KIF20B: variants seen among roughly 807,000 people sequenced by gnomAD.
KIF20B encodes kinesin family member 20B.
KIF20B carries 188 observed loss-of-function variants against 232.5 expected under a neutral mutation model. That is an observed-to-expected ratio of 0.81 (90% CI 0.72 to 0.91). The LOEUF is 0.91. KIF20B is among the 40% of genes least tolerant of loss of function. KIF20B has a pLI of 0.00. For synonymous variants in KIF20B, 712 were observed against 683.0 expected (o/e 1.04, Z -0.66); for missense variants, 2,154 against 2,055.9 (o/e 1.05, Z -0.92).
At chr10:89,768,451 T>C in intron 30 of KIF20B, 60 bp downstream of exon 30, 1 of 1,017,790 alleles carries the variant, frequency 9.8e-7, no homozygotes, top group South Asian at 1.4e-5. Flanking sequence ...TTGTGTTCAA[T>C]TATAACTCAT....
At chr10:89,714,929 G>GT (rs373004927) in intron 7 of KIF20B, 26 bp from the exon 8 acceptor site, 4 of 1,369,358 alleles carry the variant, frequency 2.9e-6, no homozygotes, top group Non-Finnish European at 3.0e-6. Flanking sequence ...TTTCGTGATT[G>GT]TTTTTTCTTT....
At chr10:89,712,169 A>T (rs894886283) in intron 6 of KIF20B, among the ~76,000 whole-genome samples, 1 of 152,084 alleles carries the variant, frequency 6.6e-6, no homozygotes, top group Non-Finnish European at 1.5e-5. Flanking sequence ...TGAATACATT[A>T]TTAATGTATT....
At chr10:89,769,584 C>A (rs915891833) in intron 31 of KIF20B, among the ~76,000 whole-genome samples, 6 of 151,558 alleles carry the variant, frequency 4.0e-5, no homozygotes, top group Non-Finnish European at 8.8e-5. Context: ...TTCATAAATA[C>A]CTATTGAGTT....
intron 24 of KIF20B, among the ~76,000 whole-genome samples, chr10:89,752,076 A>T (rs931709757): frequency 2.6e-5 from 4 of 152,060 alleles, no homozygotes; most frequent in African/African-American, 7.2e-5. Flanking sequence ...TTCTTTTTTT[A>T]AAATCATCTG....
chr10:89,764,013 A>G (rs1188813561), intron 29 of KIF20B, among the ~76,000 whole-genome samples: 2 of 150,914 alleles, frequency 1.3e-5, no homozygotes, highest in East Asian at 2.0e-4. Flanking sequence ...GTCATTTAGC[A>G]TTAGGTATAT....
chr10:89,732,030 C>G (rs931424004), intron 18 of KIF20B, among the ~76,000 whole-genome samples: 1 of 152,126 alleles, frequency 6.6e-6, no homozygotes, highest in Admixed American at 6.6e-5. Context: ...CATTTGATTA[C>G]TCTATAGACT....
intron 13 of KIF20B, among the ~76,000 whole-genome samples, chr10:89,720,524 A>AT (rs1332610657): frequency 6.6e-6 from 1 of 152,170 alleles, no homozygotes; most frequent in Non-Finnish European, 1.5e-5. Flanking sequence ...TCACTAAGTG[A>AT]TTTTATGTAT....
At position 89,737,996 on chromosome 10, in the gene KIF20B, C is replaced by A. The variant is rs776912439; in HGVS notation, c.3155C>A (p.Ser1052Tyr). 6.2e-7 allele frequency: 1 copy of A among 1,613,148 alleles called. No homozygotes were observed. Among genetic ancestry groups the A allele is most frequent in the South Asian group, 1.1e-5 (1 of 90,968 alleles). Residue 1052 changes from serine (S) to tyrosine (Y), a missense_variant, in exon 20 of 33, where the codon TCT becomes TAT. Transcript: ENST00000371728. ...YRIQEPNREN[S>Y]FHSSIEAIWE... ...ATTCAAGAACCCAATAGGGAAAATT[C>A]TTTCCACTCTAGTATTGAAGCTATT...
intron 29 of KIF20B, among the ~76,000 whole-genome samples, chr10:89,764,885 A>G (rs1255307402): frequency 4.6e-5 from 7 of 151,930 alleles, no homozygotes; most frequent in Non-Finnish European, 1.0e-4. Flanking sequence ...TGCTGTGCAG[A>G]AGCTCTTTAG....
chr10:89,737,117 T>C (rs917857426), intron 19 of KIF20B, among the ~76,000 whole-genome samples: 2 of 152,116 alleles, frequency 1.3e-5, no homozygotes, highest in Non-Finnish European at 2.9e-5. Context: ...CTGGTAATGC[T>C]ACTCAGAGGT....
rs1206391748 is a variant in KIF20B at position 89,724,089 on chromosome 10, G to A, written c.1848G>A (p.Arg616=). Residue 616 remains arginine (R), a synonymous_variant, in exon 14 of 33, where the codon CGG becomes CGA. Coordinates refer to ENST00000371728, the MANE Select transcript of KIF20B (RefSeq NM_001284259.2). The part of the protein sequence containing the change: ...TQEFTQYWAQ[R]EADFKETLLQ... ...AGTTTACTCAGTATTGGGCTCAACG[G>A]GAAGCTGACTTTAAGTAAGTTATTT... 1.3e-6 allele frequency: 2 copies of A among 1,491,702 alleles called. No homozygotes were observed. Among genetic ancestry groups the A allele is most frequent in the Non-Finnish European group, 8.9e-7 (1 of 1,126,114 alleles). 92.4% of individuals were successfully genotyped at this position (1,491,702 alleles called of 1,614,324 possible). A position where few individuals can be genotyped will look rare whatever the true frequency, so the allele number is the denominator to read the frequency against.
intron 12 of KIF20B, 91 bp from the exon 13 acceptor site, chr10:89,719,328 G>T (rs980520): frequency 0.27 from 252,795 of 923,986 alleles, 37,169 homozygotes; most frequent in African/African-American, 0.47. Context: ...ACACTTGAGT[G>T]TTCATTTGAC....
chr10:89,708,411 A>G (rs989112068), intron 2 of KIF20B, among the ~76,000 whole-genome samples: 1 of 152,182 alleles, frequency 6.6e-6, no homozygotes, highest in East Asian at 1.9e-4. Flanking sequence ...GGGTTTCTCC[A>G]TGTTGGTCAG....
intron 30 of KIF20B, 144 bp from the exon 31 acceptor site, chr10:89,768,594 C>A (rs1842408840): frequency 2.4e-6 from 2 of 828,646 alleles, no homozygotes; most frequent in Non-Finnish European, 3.7e-6. Flanking sequence ...ATTGTCTGAC[C>A]CTTTTATCCC....
chr10:89,770,464 C>T (rs1842440854), intron 31 of KIF20B, among the ~76,000 whole-genome samples: 1 of 151,884 alleles, frequency 6.6e-6, no homozygotes, highest in Non-Finnish European at 1.5e-5. Flanking sequence ...GGCTTACTAC[C>T]ACTTTTATAT....
rs764632175 is a variant in KIF20B, at chr10:89,725,143, A to G, written c.1986A>G (p.Thr662=). ...REEAAKDICA[T]KVETEETHNY... is the part of the protein sequence containing the mutation. ...AAGCAGCGAAAGACATTTGTGCCAC[A>G]AAAGTTGAAACTGAAGTATGTTAAT... Residue 662 remains threonine (T), a synonymous_variant, in exon 15 of 33, where the codon ACA becomes ACG. Transcript: ENST00000371728. 9 of 1,613,896 alleles carry G rather than the reference A, an allele frequency of 5.6e-6. No homozygotes were observed. Among genetic ancestry groups the G allele is most frequent in the Admixed American group, 1.7e-5 (1 of 59,988 alleles).
Position 89,738,966 on chromosome 10 carries a change from A to G in KIF20B, c.3785A>G (p.Glu1262Gly), listed in dbSNP as rs1387906177. The change falls in exon 21 of 33, where the codon GAG (glutamate) becomes GGG (glycine). Residue 1262 changes from glutamate to glycine, a missense_variant. Coordinates refer to ENST00000371728, the MANE Select transcript of KIF20B (RefSeq NM_001284259.2). ...TGGTTTATGTTTTTTAGATTGAAAGAGGAACTCTCTGCAAGCTCTGCTCGT... is the reference window on the plus strand; with the variant it reads ...TGGTTTATGTTTTTTAGATTGAAAGGGGAACTCTCTGCAAGCTCTGCTCGT... ...TNRQETEKLK[E>G]ELSASSARTQ... is the part of the protein sequence containing the mutation. 4.3e-6 allele frequency: 7 copies of G among 1,611,106 alleles called. No individual in the cohort carries two copies. Among genetic ancestry groups the G allele is most frequent in the Non-Finnish European group, 5.9e-6 (7 of 1,179,160 alleles).
At chr10:89,710,201 T>G in intron 5 of KIF20B, 136 bp downstream of exon 5, 1 of 733,730 alleles carries the variant, frequency 1.4e-6, no homozygotes, top group Non-Finnish European at 2.1e-6. Flanking sequence ...ACTAGCATAT[T>G]ATTACGTATT....
chr10:89,718,570 A>G (rs1210155646), intron 11 of KIF20B, 140 bp from the exon 12 acceptor site: 7 of 660,180 alleles, frequency 1.1e-5, no homozygotes, highest in African/African-American at 9.3e-5. Flanking sequence ...GAGAAGGACT[A>G]TTACATCTGA....
Sources: allele counts gnomAD v4.1 joint callset (sites outside exome capture counted in the v4.1 genomes callset), GRCh38; gene constraint gnomAD v4.1.1; transcripts MANE v1.5; gene names NCBI Gene and HGNC (gene_info 2026-07-23, HGNC 2026-07-21).